Variants in EFCAB5 observed in about 807,000 individuals in gnomAD.
EFCAB5 encodes the protein EF-hand calcium-binding domain-containing protein 5.
Under a neutral mutation model 167.9 loss-of-function variants are expected in EFCAB5, and 131 were observed. The ratio of observed to expected loss-of-function variants is 0.78; its 90% confidence interval spans 0.68 to 0.90. EFCAB5 has a LOEUF of 0.90. EFCAB5 is among the 40% of genes least tolerant of loss of function. The pLI is 0.00. For synonymous variants in EFCAB5, 574 were observed against 602.8 expected (o/e 0.95, Z 0.70); for missense variants, 1,663 against 1,745.2 (o/e 0.95, Z 0.84).
chr17:30,099,872 G>A (rs554779435), intron 22 of EFCAB5, among the ~76,000 whole-genome samples: 2 of 152,106 alleles, frequency 1.3e-5, no homozygotes, highest in Non-Finnish European at 2.9e-5. Flanking sequence ...CTCACAGTAG[G>A]TGTGTTTTTC....
intron 7 of EFCAB5, among the ~76,000 whole-genome samples, chr17:30,016,496 A>G (rs1208398326): frequency 6.6e-6 from 1 of 152,170 alleles, no homozygotes; most frequent in Non-Finnish European, 1.5e-5. Context: ...AAATAAGAAT[A>G]TAAAGAACCT....
At position 30,057,776 on chromosome 17, in the gene EFCAB5, C is replaced by T. The variant is rs1297615423; in HGVS notation, c.2466C>T (p.Leu822=). 6.2e-7 allele frequency: 1 copy of T among 1,613,832 alleles called. No homozygotes were observed. Among genetic ancestry groups the T allele is most frequent in the Admixed American group, 1.7e-5 (1 of 60,000 alleles). ...VSFNLLQFVQ[L]LETFVGEDAP... ...TCAATCTGCTCCAGTTTGTGCAACTCCTGGAGACATTTGTTGGTGAAGACG... is the reference window on the plus strand; with the variant it reads ...TCAATCTGCTCCAGTTTGTGCAACTTCTGGAGACATTTGTTGGTGAAGACG... The change falls in exon 13 of 23, where the codon CTC becomes CTT. Residue 822 remains leucine (L), a synonymous_variant. Coordinates refer to ENST00000394835, the MANE Select transcript of EFCAB5 (RefSeq NM_198529.4).
At chr17:29,994,428 C>G (rs1213949206) in intron 5 of EFCAB5, among the ~76,000 whole-genome samples, 1 of 151,466 alleles carries the variant, frequency 6.6e-6, no homozygotes, top group Non-Finnish European at 1.5e-5. Flanking sequence ...TAGAAGTGTC[C>G]CCTGGAGAGG....
intron 4 of EFCAB5, among the ~76,000 whole-genome samples, chr17:29,992,610 T>C (rs1162271771): frequency 1.6e-4 from 24 of 152,234 alleles, no homozygotes; most frequent in Admixed American, 1.6e-3. Context: ...CCTCCCAAAG[T>C]GCTGGGATTA....
At chr17:29,939,164 G>C (rs112587205), upstream of EFCAB5, among the ~76,000 whole-genome samples, 7 of 152,220 alleles carry the variant, frequency 4.6e-5, no homozygotes, top group South Asian at 2.1e-4. Context: ...TTCCATCAGA[G>C]CTCTTAGGTG....
intron 14 of EFCAB5, among the ~76,000 whole-genome samples, chr17:30,076,720 A>G (rs1169246187): frequency 6.6e-6 from 1 of 152,244 alleles, no homozygotes; most frequent in Non-Finnish European, 1.5e-5. Context: ...CTGTCAAAGA[A>G]TCTTGCACAT....
chr17:30,011,772 T>C (rs1045204976), intron 7 of EFCAB5, among the ~76,000 whole-genome samples: 1 of 152,194 alleles, frequency 6.6e-6, no homozygotes, highest in Non-Finnish European at 1.5e-5. Context: ...TTTGACTTCC[T>C]CTTTTCCTAA....
chr17:30,034,488 C>T, intron 8 of EFCAB5, 103 bp downstream of exon 8: 1 of 1,429,190 alleles, frequency 7.0e-7, no homozygotes, highest in Non-Finnish European at 9.3e-7. Flanking sequence ...TACTTGAGCC[C>T]AGGAGTTTGA....
rs757159633 is a variant in EFCAB5 at position 29,979,906 on chromosome 17, T to TG, written c.767+10540dup. 3.9e-5 allele frequency among the ~76,000 whole-genome samples: 6 copies of TG among 152,196 alleles called. No homozygotes were observed. The East Asian group carries it at 9.6e-4, about 24-fold the overall frequency. On this transcript the variant is annotated intron_variant, in intron 4 of 22. Coordinates refer to ENST00000394835, the MANE Select transcript of EFCAB5 (RefSeq NM_198529.4). ...CTTACTAGCCGGCCACGGTGGCTCA[T>TG]GCCTGTAATCCCACCACTTTAGGAG...
In EFCAB5 at chr17:29,969,005, TA is replaced by T; in HGVS notation, c.407del (p.Lys136ArgfsTer4). ...AAGCAATGCAGCAGAAAATAATAGATAAGGAAAATCTGAAGAAGGAACTAGA... is the reference window on the plus strand; with the variant it reads ...AAGCAATGCAGCAGAAAATAATAGATAGGAAAATCTGAAGAAGGAACTAGA... Reference protein sequence around the residue: ...AQAMQQKIIDKENLKKELEKK... With the variant: ...AQAMQQKIIDXENLKKELEKK... On this transcript the variant is annotated frameshift_variant, in exon 4 of 23. Coordinates refer to ENST00000394835, the MANE Select transcript of EFCAB5 (RefSeq NM_198529.4). LOFTEE classifies it high-confidence loss of function. The T allele has an allele frequency of 1.9e-6, 3 of 1,588,110 alleles. No individual in the cohort carries two copies. The highest frequency in any genetic ancestry group is 2.6e-6 in the Non-Finnish European group (3 of 1,169,030).
intron 14 of EFCAB5, chr17:30,069,076 T>G (rs1182574179): frequency 6.9e-7 from 1 of 1,438,978 alleles, no homozygotes. Flanking sequence ...TAAACTTTAC[T>G]CAGAACAAAG....
intron 7 of EFCAB5, among the ~76,000 whole-genome samples, chr17:30,001,861 C>A (rs1232543303): frequency 6.6e-6 from 1 of 152,074 alleles, no homozygotes; most frequent in African/African-American, 2.4e-5. Flanking sequence ...CTTGTGTAAT[C>A]GTCACACAAC....
rs548642129 is a variant in EFCAB5, at chr17:29,995,845, A to G, written c.925-467A>G. On this transcript the variant is annotated intron_variant, in intron 5 of 22. Transcript: ENST00000394835. Reference sequence around the variant, plus strand: ...TTCTTAAAATGAATTATCCATTTGTAAACTGCTGATTTCTTTGGAGCATTG... The same window carrying G: ...TTCTTAAAATGAATTATCCATTTGTGAACTGCTGATTTCTTTGGAGCATTG... 1.1e-4 allele frequency among the ~76,000 whole-genome samples: 17 copies of G among 152,324 alleles called. No homozygotes were observed. The South Asian group carries it at 2.5e-3, about 22-fold the overall frequency.
intron 14 of EFCAB5, among the ~76,000 whole-genome samples, chr17:30,072,278 A>G (rs2070757678): frequency 6.6e-6 from 1 of 152,212 alleles, no homozygotes; most frequent in African/African-American, 2.4e-5. Flanking sequence ...ATGGACAAGT[A>G]TGCATCAATT....
intron 4 of EFCAB5, among the ~76,000 whole-genome samples, chr17:29,987,874 C>A (rs1176882122): frequency 2.0e-5 from 3 of 152,132 alleles, no homozygotes; most frequent in Non-Finnish European, 4.4e-5. Flanking sequence ...TGGCATGTAG[C>A]CCAGATGAAG....
intron 1 of EFCAB5, chr17:29,929,941 G>A: frequency 6.2e-7 from 1 of 1,600,512 alleles, no homozygotes; most frequent in Non-Finnish European, 8.5e-7. Flanking sequence ...GACTCACCGA[G>A]GCGCAGGGGC....
chr17:29,942,361 T>G, intron 2 of EFCAB5, 59 bp downstream of exon 2: 2 of 1,408,774 alleles, frequency 1.4e-6, no homozygotes, highest in Non-Finnish European at 1.9e-6. Flanking sequence ...GATAAATCAA[T>G]TTTCTTATGA....
At chr17:30,031,249 G>A (rs182969828) in intron 7 of EFCAB5, among the ~76,000 whole-genome samples, 1 of 152,180 alleles carries the variant, frequency 6.6e-6, no homozygotes, top group East Asian at 1.9e-4. Context: ...CACCAGGGAG[G>A]CTTGTTAAAC....
chr17:29,973,296 A>T (rs997428985), intron 4 of EFCAB5, among the ~76,000 whole-genome samples: 42 of 152,158 alleles, frequency 2.8e-4, no homozygotes, highest in African/African-American at 1.0e-3. Context: ...CCAAACTGCC[A>T]GACAACCTTT....
Sources: gnomAD v4.1 joint callset for allele counts (sites outside exome capture counted in the v4.1 genomes callset) on GRCh38, gnomAD v4.1.1 for gene constraint, MANE v1.5 for transcripts, NCBI Gene and HGNC (gene_info 2026-07-23, HGNC 2026-07-21) for gene names.